The following AKAP9 variants were observed in gnomAD, a reference collection of about 807,000 sequenced individuals.
The protein encoded by AKAP9 is A-kinase anchoring protein 9, also known as A-kinase anchor protein 9.
AKAP9 carries 311 observed loss-of-function variants against 488.5 expected under a neutral mutation model. The ratio of observed to expected loss-of-function variants is 0.64; its 90% CI spans 0.58 to 0.70. AKAP9 has a LOEUF of 0.70. AKAP9 is among the 30% of genes least tolerant of loss of function. The pLI is 0.00. For missense variants in AKAP9, 4,215 were observed against 4,374.5 expected, an observed-to-expected ratio of 0.96 and a Z score of 1.03; for synonymous variants, 1,462 against 1,483.5, an observed-to-expected ratio of 0.99 and a Z score of 0.33.
Position 92,077,778 on chromosome 7 carries a change from T to C in AKAP9, c.6848T>C (p.Phe2283Ser). 6.2e-7 allele frequency: 1 copy of C among 1,613,878 alleles called. No individual in the cohort carries two copies. The highest frequency in any genetic ancestry group is 2.2e-5 in the East Asian group (1 of 44,824). ...TQDQHVLFGK[F>S]AQIIQEKEVE... ...GACCAACATGTGCTATTTGGGAAATTTGCTCAAATAATACAGGAAAAAGAG... is the reference window on the plus strand; with the variant it reads ...GACCAACATGTGCTATTTGGGAAATCTGCTCAAATAATACAGGAAAAAGAG... The change falls in exon 30 of 50, where the codon TTT becomes TCT. Residue 2283 changes from phenylalanine (F) to serine (S), a missense_variant. Around this residue, in one of 5 missense-constraint regions of AKAP9, gnomAD observed 1,476 missense variants for 1,477.4 expected, o/e 1.00. Transcript: ENST00000356239.
intron 21 of AKAP9, among the ~76,000 whole-genome samples, chr7:92,048,119 A>G (rs1283879736): frequency 1.3e-5 from 2 of 152,220 alleles, no homozygotes; most frequent in Non-Finnish European, 2.9e-5. Flanking sequence ...ACATTCCTTC[A>G]TAAATATAAT....
At chr7:92,040,531 T>C in intron 17 of AKAP9, 143 bp from the exon 18 acceptor site, 1 of 625,720 alleles carries the variant, frequency 1.6e-6, no homozygotes, top group East Asian at 2.8e-5. Context: ...AAAATTATGT[T>C]TTTGTTTAAT....
intron 1 of AKAP9, among the ~76,000 whole-genome samples, chr7:91,963,527 C>CACACACACACAT (rs1267784259): frequency 6.9e-6 from 1 of 144,952 alleles, no homozygotes; most frequent in Non-Finnish European, 1.5e-5. Flanking sequence ...CACACACACA[C>CACACACACACAT]ATATTTTTGA....
Position 92,076,892 on chromosome 7 carries a change from A to G in AKAP9, c.6650A>G (p.Glu2217Gly), listed in dbSNP as rs778204321. Residue 2217 changes from glutamate (E) to glycine (G), a missense_variant, in exon 29 of 50, where the codon GAA becomes GGA. By Grantham distance (98) the Glu-to-Gly change is moderately conservative. Coordinates refer to ENST00000356239, the MANE Select transcript of AKAP9 (RefSeq NM_005751.5). Reference protein sequence around the residue: ...NLEEQLEQFREELENKNEEVQ... With the variant: ...NLEEQLEQFRGELENKNEEVQ... ...GAAGAGCAATTAGAACAGTTTAGAG[A>G]AGAACTGGAAAATAAGAATGAAGAA... 1 of 1,505,894 alleles carries G rather than the reference A, an allele frequency of 6.6e-7. No homozygotes were observed. The highest frequency in any genetic ancestry group is 9.1e-7 in the Non-Finnish European group (1 of 1,098,346). 93.3% of individuals were successfully genotyped at this position (1,505,894 alleles called of 1,614,324 possible).
Position 92,045,128 on chromosome 7 carries a change from T to G in AKAP9, c.5283T>G (p.Ser1761Arg). 3 of 1,613,790 alleles carry G rather than the reference T, an allele frequency of 1.9e-6. No individual in the cohort carries two copies. Among genetic ancestry groups the G allele is most frequent in the Non-Finnish European group, 2.5e-6 (3 of 1,179,940 alleles). The change falls in exon 21 of 50, where the codon AGT (serine) becomes AGG (arginine). Residue 1761 changes from serine (S) to arginine (R), a missense_variant. By Grantham distance (110) the Ser-to-Arg change is moderately radical (BLOSUM62 -1). Around this residue, in one of 5 missense-constraint regions of AKAP9, gnomAD observed 2,361 missense variants for 2,430.0 expected, o/e 0.97. Coordinates refer to ENST00000356239, the MANE Select transcript of AKAP9 (RefSeq NM_005751.5). ...TCCTTGGGATTCTAGATAGATCTAG[T>G]AAAAGCCAGTCATCTGCCAGCCTAA... is the stretch of plus-strand genomic sequence containing the variant. ...RHVLGILDRSSKSQSSASLIW... is the reference protein window; with the variant it reads ...RHVLGILDRSRKSQSSASLIW...
chr7:92,103,263 A>T (rs1817899145), intron 46 of AKAP9, among the ~76,000 whole-genome samples: 1 of 151,798 alleles, frequency 6.6e-6, no homozygotes, highest in African/African-American at 2.4e-5. Flanking sequence ...AGTGGCAGGC[A>T]CCTGTAGTCC....
intron 1 of AKAP9, among the ~76,000 whole-genome samples, chr7:91,968,974 C>T (rs1452979263): frequency 6.6e-6 from 1 of 152,002 alleles, no homozygotes; most frequent in Non-Finnish European, 1.5e-5. Flanking sequence ...TGGGCTCAAG[C>T]GATCCTCCTG....
At chr7:91,963,265 A>G (rs898078387) in intron 1 of AKAP9, among the ~76,000 whole-genome samples, 1 of 152,150 alleles carries the variant, frequency 6.6e-6, no homozygotes, top group Admixed American at 6.6e-5. Flanking sequence ...CTGTTCCTCA[A>G]GGAGACATGA....
intron 1 of AKAP9, among the ~76,000 whole-genome samples, chr7:91,958,028 G>A (rs1450106085): frequency 2.6e-5 from 4 of 152,094 alleles, no homozygotes; most frequent in African/African-American, 4.8e-5. Context: ...ATTCAGGAAT[G>A]GAGTAAGAAG....
chr7:92,050,846 CT>C (rs959842458), intron 21 of AKAP9, among the ~76,000 whole-genome samples: 22 of 152,046 alleles, frequency 1.4e-4, no homozygotes, highest in Admixed American at 5.2e-4. Context: ...ATACTTTTTC[CT>C]GATTTTTTAG....
intron 16 of AKAP9, among the ~76,000 whole-genome samples, chr7:92,032,230 C>T (rs1450555471): frequency 6.6e-6 from 1 of 152,174 alleles, no homozygotes; most frequent in Non-Finnish European, 1.5e-5. Context: ...GGTGCAGTGG[C>T]TCACGCCTGT....
intron 30 of AKAP9, 85 bp downstream of exon 30, chr7:92,077,960 A>T: frequency 1.1e-6 from 1 of 902,764 alleles, no homozygotes; most frequent in Non-Finnish European, 1.6e-6. Context: ...TCCCCATTGA[A>T]TTTAAAAAAC....
intron 14 of AKAP9, among the ~76,000 whole-genome samples, chr7:92,026,408 C>T (rs113806107): frequency 0.029 from 4,345 of 152,234 alleles, 196 homozygotes; most frequent in African/African-American, 0.098. Context: ...GATCTCGGCT[C>T]GCTGCAACCT....
intron 24 of AKAP9, 92 bp from the exon 25 acceptor site, chr7:92,065,139 G>A (rs1363113809): frequency 1.3e-6 from 1 of 746,234 alleles, no homozygotes; most frequent in Non-Finnish European, 2.2e-6. Flanking sequence ...AGCCTTTCAT[G>A]AACGTAAAAT....
At chr7:91,955,323 G>A (rs1792839559) in intron 1 of AKAP9, among the ~76,000 whole-genome samples, 1 of 152,120 alleles carries the variant, frequency 6.6e-6, no homozygotes, top group Non-Finnish European at 1.5e-5. Context: ...AATAAAGACT[G>A]ATGATAAAAA....
chr7:92,080,102 C>T lies in AKAP9; in HGVS notation c.7969C>T (p.Gln2657Ter). 6.3e-7 allele frequency: 1 copy of T among 1,592,142 alleles called. No individual in the cohort carries two copies. Among genetic ancestry groups the T allele is most frequent in the South Asian group, 1.1e-5 (1 of 87,896 alleles). ...GCTATTGGAGGGCAATGAGAAAAAACAGAGAGAGAAAGAAAAGAAAAGAAG... is the reference window on the plus strand; with the variant it reads ...GCTATTGGAGGGCAATGAGAAAAAATAGAGAGAGAAAGAAAAGAAAAGAAG... Reference protein sequence around the residue: ...QKLLEGNEKKQREKEKKRSPQ... With the variant: ...QKLLEGNEKK Residue 2657 changes from glutamine to a stop codon, truncating the protein, a stop_gained, in exon 31 of 50, where the codon CAG becomes TAG. Transcript: ENST00000356239. LOFTEE classifies it high-confidence loss of function.
At chr7:91,963,077 C>A (rs895024083) in intron 1 of AKAP9, among the ~76,000 whole-genome samples, 1 of 152,040 alleles carries the variant, frequency 6.6e-6, no homozygotes, top group Non-Finnish European at 1.5e-5. Context: ...GTTTTGCATT[C>A]TCTCTGAGGG....
intron 14 of AKAP9, among the ~76,000 whole-genome samples, chr7:92,024,628 CAATA>C (rs939203291): frequency 1.3e-5 from 2 of 151,916 alleles, no homozygotes; most frequent in African/African-American, 4.8e-5. Context: ...AATAGGTACT[CAATA>C]AATTATTTGT....
intron 38 of AKAP9, among the ~76,000 whole-genome samples, chr7:92,091,717 G>A (rs962710346): frequency 3.3e-5 from 5 of 151,236 alleles, no homozygotes; most frequent in African/African-American, 7.3e-5. Context: ...CACTTTAAAC[G>A]TAGGCGTAAT....
Sources: gnomAD v4.1 joint callset for allele counts (sites outside exome capture counted in the v4.1 genomes callset) on GRCh38, gnomAD v4.1.1 for gene constraint, gnomAD v4.1.1 regional missense constraint, MANE v1.5 for transcripts, NCBI Gene and HGNC (gene_info 2026-07-23, HGNC 2026-07-21) for gene names.